The following DENND4C variants were observed in gnomAD, a reference collection of about 807,000 sequenced individuals.
DENND4C encodes the protein DENN domain-containing protein 4C.
In DENND4C, 108 loss-of-function variants were observed where a neutral mutation model predicts 203.0. The ratio of observed to expected loss-of-function variants is 0.53; its 90% CI spans 0.46 to 0.62. The LOEUF (loss-of-function observed/expected upper bound fraction) is 0.62, where lower values mean the gene tolerates loss of function less well. DENND4C is among the 20% of genes least tolerant of loss of function. The pLI, the probability that DENND4C is intolerant of heterozygous loss-of-function variation, is 0.00. For missense variants in DENND4C, 2,481 were observed against 2,301.2 expected (o/e 1.08, Z -1.60); for synonymous variants, 871 against 792.4 (o/e 1.10, Z -1.67).
In DENND4C at chr9:19,346,622, A is replaced by G. The variant is rs756708062; in HGVS notation, c.3853A>G (p.Ile1285Val). The G allele has an allele frequency of 6.2e-7, 1 of 1,614,170 alleles. No individual in the cohort carries two copies. The highest frequency in any genetic ancestry group is 1.3e-5 in the African/African-American group (1 of 75,050). ...TATTGCACGTAATCTGGCTGATGAA[A>G]TAGAAAGCTATATGAACCTAAAAAG... ...PVIARNLADE[I>V]ESYMNLKSPL... is the part of the protein sequence containing the mutation. The change falls in exon 23 of 33, where the codon ATA becomes GTA. Residue 1285 changes from isoleucine (I) to valine (V), a missense_variant. Physicochemically the swap from Ile to Val is conservative, Grantham distance 29. Around this residue, in one of 3 missense-constraint regions of DENND4C, gnomAD observed 2,289 missense variants for 2,113.3 expected, o/e 1.08. Coordinates refer to ENST00000434457, the MANE Select transcript of DENND4C (RefSeq NM_001330640.2).
chr9:19,344,507 G>A (rs867690201), intron 22 of DENND4C, among the ~76,000 whole-genome samples: 44 of 150,648 alleles, frequency 2.9e-4, no homozygotes, highest in Middle Eastern at 3.4e-3. Flanking sequence ...TTGTTTGTTT[G>A]TTTTTGAGAC....
intron 26 of DENND4C, among the ~76,000 whole-genome samples, chr9:19,353,491 G>A (rs1347977500): frequency 6.6e-6 from 1 of 151,858 alleles, no homozygotes; most frequent in Admixed American, 6.6e-5. Flanking sequence ...AGCCAGGTGT[G>A]GCGGCGTGCG....
In DENND4C at chr9:19,260,042, A is replaced by G. The variant is rs149896661; in HGVS notation, c.-17-16116A>G. Among the ~76,000 whole-genome samples the G allele has an allele frequency of 3.2e-4, 48 of 152,224 alleles. No homozygotes were observed. The East Asian group carries it at 7.4e-3, about 23-fold the overall frequency. Reference sequence around the variant, plus strand: ...TAATTTTTTGAGGAACCTCTATACTATTCTCCATAGTTACCATACTAGTTT... The same window carrying G: ...TAATTTTTTGAGGAACCTCTATACTGTTCTCCATAGTTACCATACTAGTTT... On this transcript the variant is annotated intron_variant, in intron 1 of 32. Coordinates refer to ENST00000434457, the MANE Select transcript of DENND4C (RefSeq NM_001330640.2).
Position 19,328,136 on chromosome 9 carries a change from C to T in DENND4C, c.2227C>T (p.Pro743Ser). Residue 743 changes from proline to serine, a missense_variant, in exon 16 of 33, where the codon CCT becomes TCT. Around this residue, in one of 3 missense-constraint regions of DENND4C, gnomAD observed 2,289 missense variants for 2,113.3 expected, o/e 1.08. Coordinates refer to ENST00000434457, the MANE Select transcript of DENND4C (RefSeq NM_001330640.2). ...TGGGAATAGCATTACAAAGAGTCCA[C>T]CTCTCATGGCTAAGAGAACTAAACA... ...PTGNSITKSP[P>S]LMAKRTKQEI... The T allele has an allele frequency of 1.2e-6, 2 of 1,611,982 alleles. No homozygotes were observed. The highest frequency in any genetic ancestry group is 1.7e-6 in the Non-Finnish European group (2 of 1,179,336).
chr9:19,282,998 C>T (rs974523415), intron 2 of DENND4C, among the ~76,000 whole-genome samples: 21 of 151,878 alleles, frequency 1.4e-4, no homozygotes, highest in African/African-American at 4.8e-4. Context: ...GAATTACAGG[C>T]GTGAGCCACC....
rs191333947 is a variant in DENND4C, at chr9:19,238,788, G to C, written c.-18+7955G>C. On this transcript the variant is annotated intron_variant, in intron 1 of 32. Transcript: ENST00000434457. ...CCTGCCTCAGCCTCCTAAGTAGTCGGGATTACAGGCATGTGCCACCACGTC... is the reference window on the plus strand; with the variant it reads ...CCTGCCTCAGCCTCCTAAGTAGTCGCGATTACAGGCATGTGCCACCACGTC... 1.3e-3 allele frequency among the ~76,000 whole-genome samples: 191 copies of C among 148,166 alleles called. 1 individual carries two copies. Among genetic ancestry groups the C allele is most frequent in the Admixed American group, 1.4e-3 (21 of 14,598 alleles).
intron 2 of DENND4C, among the ~76,000 whole-genome samples, chr9:19,281,309 A>G (rs967522500): frequency 1.3e-5 from 2 of 152,172 alleles, no homozygotes; most frequent in African/African-American, 4.8e-5. Flanking sequence ...TAAGCTAATC[A>G]TGATGGTTAA....
intron 15 of DENND4C, 119 bp downstream of exon 15, chr9:19,326,313 T>C: frequency 2.9e-6 from 3 of 1,025,990 alleles, no homozygotes; most frequent in Non-Finnish European, 4.0e-6. Flanking sequence ...TTCAGTGAAC[T>C]AATGTAGATA....
chr9:19,259,685 A>G (rs1342814329), intron 1 of DENND4C, among the ~76,000 whole-genome samples: 1 of 151,734 alleles, frequency 6.6e-6, no homozygotes, highest in East Asian at 1.9e-4. Flanking sequence ...TTGTATTTTT[A>G]GTAGAGACGG....
intron 1 of DENND4C, among the ~76,000 whole-genome samples, chr9:19,239,047 T>A (rs1407288484): frequency 1.3e-5 from 2 of 152,136 alleles, no homozygotes; most frequent in Non-Finnish European, 2.9e-5. Flanking sequence ...CCTCTTGCTT[T>A]TTTCTTAATC....
intron 2 of DENND4C, among the ~76,000 whole-genome samples, chr9:19,280,966 C>T (rs1158992251): frequency 2.0e-5 from 3 of 152,182 alleles, no homozygotes; most frequent in Non-Finnish European, 1.5e-5. Context: ...GTCTTGAGCT[C>T]CTGGACTCAA....
At chr9:19,370,062 A>T in intron 31 of DENND4C, 75 bp downstream of exon 31, 1 of 1,544,574 alleles carries the variant, frequency 6.5e-7, no homozygotes, top group Non-Finnish European at 8.9e-7. Flanking sequence ...ACTTTTAAAA[A>T]TATCTCTAGT....
chr9:19,307,144 T>C (rs1384112121), intron 10 of DENND4C, among the ~76,000 whole-genome samples: 1 of 152,002 alleles, frequency 6.6e-6, no homozygotes, highest in Non-Finnish European at 1.5e-5. Context: ...ACACCTTTAA[T>C]CTCAGTACTT....
chr9:19,333,046 A>G (rs1467487052), intron 17 of DENND4C, among the ~76,000 whole-genome samples: 1 of 151,258 alleles, frequency 6.6e-6, no homozygotes, highest in Non-Finnish European at 1.5e-5. Flanking sequence ...ATATATATAT[A>G]TACTCGTGCC....
intron 1 of DENND4C, among the ~76,000 whole-genome samples, chr9:19,240,135 G>A (rs34853858): frequency 0.074 from 11,290 of 151,996 alleles, 514 homozygotes; most frequent in South Asian, 0.16. Flanking sequence ...TAACTAGGGG[G>A]ATACATTCTG....
chr9:19,292,792 T>A (rs1836644363), intron 5 of DENND4C, among the ~76,000 whole-genome samples: 1 of 152,126 alleles, frequency 6.6e-6, no homozygotes, highest in Non-Finnish European at 1.5e-5. Context: ...GTGATCCACC[T>A]GCCTCAGCCT....
intron 1 of DENND4C, among the ~76,000 whole-genome samples, chr9:19,271,869 C>CA (rs200794983): frequency 0.039 from 3,214 of 82,230 alleles, 116 homozygotes; most frequent in African/African-American, 0.11. Flanking sequence ...AACTCTGTCT[C>CA]AAAAAAAAAA....
Position 19,373,996 on chromosome 9 carries a change from CACTGT to C in DENND4C, c.*1824_*1828del, listed in dbSNP as rs1380189504. 6.6e-6 allele frequency among the ~76,000 whole-genome samples: 1 copy of C among 152,060 alleles called. No individual in the cohort carries two copies. Among genetic ancestry groups the C allele is most frequent in the Non-Finnish European group, 1.5e-5 (1 of 67,996 alleles). The stretch of plus-strand genomic sequence containing the variant: ...CATTACCTTCAAAATGGATCTTTTG[CACTGT>C]CTGAGAGTATATATTTTTGCAACTC... On this transcript the variant is annotated 3_prime_UTR_variant, in exon 33 of 33. Coordinates refer to ENST00000434457, the MANE Select transcript of DENND4C (RefSeq NM_001330640.2).
intron 2 of DENND4C, among the ~76,000 whole-genome samples, chr9:19,283,226 C>T (rs1834484877): frequency 6.6e-6 from 1 of 151,920 alleles, no homozygotes. Flanking sequence ...ACATGTTAGC[C>T]TAGCCCTACA....
Sources: gnomAD v4.1 joint callset for allele counts (sites outside exome capture counted in the v4.1 genomes callset) on GRCh38, gnomAD v4.1.1 for gene constraint, gnomAD v4.1.1 regional missense constraint, MANE v1.5 for transcripts, NCBI Gene and HGNC (gene_info 2026-07-23, HGNC 2026-07-21) for gene names.